Variants in LRRC36 observed in about 807,000 individuals in gnomAD.
LRRC36 encodes the protein leucine rich repeat containing 36.
In LRRC36, 62 loss-of-function variants were observed where a neutral mutation model predicts 81.1. That is an observed-to-expected ratio of 0.76 (90% CI 0.62 to 0.94). The LOEUF (loss-of-function observed/expected upper bound fraction) is 0.94, where lower values mean the gene tolerates loss of function less well. Ranked by LOEUF, LRRC36 falls within the 40% of genes least tolerant of loss-of-function variation. The pLI is 0.00. For missense variants in LRRC36, 761 were observed against 881.7 expected, an observed-to-expected ratio of 0.86 and a Z score of 1.73; for synonymous variants, 334 against 348.6, an observed-to-expected ratio of 0.96 and a Z score of 0.47.
chr16:67,355,363 C>CTTTT (rs1156742689), intron 5 of LRRC36, among the ~76,000 whole-genome samples: 43 of 77,712 alleles, frequency 5.5e-4, no homozygotes, highest in East Asian at 1.5e-3. Flanking sequence ...TTTAAGATGT[C>CTTTT]TTTTTTTTTT....
chr16:67,378,571 T>G lies in LRRC36; in HGVS notation c.1807-18T>G. ...GTCAGATTCTTAATGTATTTGTATT[T>G]TGTTTTCTAATCTAAAGGAAAGTTT... On this transcript the variant is annotated intron_variant, in intron 11 of 13. Coordinates refer to ENST00000329956, the MANE Select transcript of LRRC36 (RefSeq NM_018296.6). 6.2e-7 allele frequency: 1 copy of G among 1,612,600 alleles called. No individual in the cohort carries two copies. Among genetic ancestry groups the G allele is most frequent in the African/African-American group, 1.3e-5 (1 of 74,984 alleles).
intron 7 of LRRC36, among the ~76,000 whole-genome samples, chr16:67,366,184 A>G (rs2039376371): frequency 6.6e-6 from 1 of 151,680 alleles, no homozygotes; most frequent in Non-Finnish European, 1.5e-5. Flanking sequence ...ACAAGTTCTC[A>G]ATCTGTTGCC....
chr16:67,362,440 T>C (rs1245320293), intron 5 of LRRC36: 3 of 234,790 alleles, frequency 1.3e-5, no homozygotes, highest in Admixed American at 1.0e-4. Flanking sequence ...GGACTACAAA[T>C]GTGAGTCACC....
intron 12 of LRRC36, among the ~76,000 whole-genome samples, chr16:67,381,906 C>T (rs1263989829): frequency 1.3e-5 from 2 of 152,138 alleles, no homozygotes; most frequent in Non-Finnish European, 2.9e-5. Context: ...CGTGAGCCAC[C>T]GTGCCTGGCC....
chr16:67,357,481 G>C (rs1597465541), intron 5 of LRRC36, among the ~76,000 whole-genome samples: 1 of 152,288 alleles, frequency 6.6e-6, no homozygotes. Context: ...GTGGAATCTG[G>C]GGTACAATAT....
intron 1 of LRRC36, among the ~76,000 whole-genome samples, chr16:67,335,263 C>T (rs1249100727): frequency 6.6e-6 from 1 of 152,182 alleles, no homozygotes; most frequent in Non-Finnish European, 1.5e-5. Flanking sequence ...TTTTAGAGGC[C>T]TCCCTTCAGG....
Position 67,382,151 on chromosome 16 carries a change from A to C in LRRC36, c.1949A>C (p.Asn650Thr). ...TTTGTAGATGATCTTCTGCACAAAA[A>C]CCAACAGCTGACCATGCAGGTGGCT... is the stretch of plus-strand genomic sequence containing the variant. ...SHTYDDLLHK[N>T]QQLTMQVACL... is the part of the protein sequence containing the mutation. Residue 650 changes from asparagine to threonine, a missense_variant, in exon 13 of 14, where the codon AAC (asparagine) becomes ACC (threonine). Physicochemically the swap from Asn to Thr is moderately conservative, Grantham distance 65. Around this residue, in one of 3 missense-constraint regions of LRRC36, gnomAD observed 359 missense variants for 388.4 expected, o/e 0.92. Transcript: ENST00000329956. 1 of 1,613,918 alleles carries C rather than the reference A, an allele frequency of 6.2e-7. No homozygotes were observed. The highest frequency in any genetic ancestry group is 8.5e-7 in the Non-Finnish European group (1 of 1,179,896).
chr16:67,356,502 A>C (rs2038909254), intron 5 of LRRC36, among the ~76,000 whole-genome samples: 1 of 152,230 alleles, frequency 6.6e-6, no homozygotes, highest in Non-Finnish European at 1.5e-5. Context: ...GGCAGTTAGC[A>C]ATCTCAGTCA....
chr16:67,362,229 C>T, intron 5 of LRRC36: 1 of 451,480 alleles, frequency 2.2e-6, no homozygotes, highest in South Asian at 1.6e-5. Context: ...GTGGCGCGAT[C>T]TCGGCTCACT....
chr16:67,375,968 T>C (rs150940610), intron 10 of LRRC36, among the ~76,000 whole-genome samples: 2,347 of 152,342 alleles, frequency 0.015, 70 homozygotes, highest in African/African-American at 0.053. Context: ...GGCTATTTAA[T>C]AGAAGAATAA....
At chr16:67,378,825 T>G in intron 12 of LRRC36, 113 bp downstream of exon 12, 1 of 1,177,376 alleles carries the variant, frequency 8.5e-7, no homozygotes. Context: ...TTTGGCCTAC[T>G]TGGTCATCAG....
At chr16:67,341,922 G>A in intron 1 of LRRC36, 35 bp from the exon 2 acceptor site, 2 of 1,576,032 alleles carry the variant, frequency 1.3e-6, no homozygotes, top group South Asian at 1.2e-5. Context: ...ATCCGAGCAG[G>A]GATCATAATA....
In LRRC36 at chr16:67,350,615, A is replaced by G. The variant is rs188176497; in HGVS notation, c.577+325A>G. 1.4e-4 allele frequency among the ~76,000 whole-genome samples: 21 copies of G among 152,352 alleles called. No homozygotes were observed. The East Asian group carries it at 4.0e-3, about 29-fold the overall frequency. Reference sequence around the variant, plus strand: ...CGACTCATCTGCATACATCCAGCTCACACCCTGGGCTTCCTGGGCTGCCCA... The same window carrying G: ...CGACTCATCTGCATACATCCAGCTCGCACCCTGGGCTTCCTGGGCTGCCCA... On this transcript the variant is annotated intron_variant, in intron 5 of 13. Coordinates refer to ENST00000329956, the MANE Select transcript of LRRC36 (RefSeq NM_018296.6).
intron 5 of LRRC36, among the ~76,000 whole-genome samples, chr16:67,360,592 G>T (rs2039099268): frequency 6.6e-6 from 1 of 152,174 alleles, no homozygotes; most frequent in Non-Finnish European, 1.5e-5. Flanking sequence ...AGGACAAAAA[G>T]GTTGATAGCT....
intron 5 of LRRC36, among the ~76,000 whole-genome samples, chr16:67,357,839 G>A (rs897204626): frequency 1.3e-5 from 2 of 152,188 alleles, no homozygotes; most frequent in African/African-American, 4.8e-5. Flanking sequence ...TCATCCAGCT[G>A]GGATTACTGG....
At chr16:67,342,117 G>T in intron 2 of LRRC36, 33 bp downstream of exon 2, 1 of 1,464,320 alleles carries the variant, frequency 6.8e-7, no homozygotes, top group Non-Finnish European at 9.1e-7. Context: ...AGCCAGGTCT[G>T]CCCAATTTAT....
chr16:67,342,770 CTGTCTTG>C (rs2038155896), intron 2 of LRRC36, among the ~76,000 whole-genome samples: 2 of 152,192 alleles, frequency 1.3e-5, no homozygotes, highest in South Asian at 4.1e-4. Flanking sequence ...AGCTCTGCAC[CTGTCTTG>C]GCAAAGCCCT....
intron 8 of LRRC36, among the ~76,000 whole-genome samples, chr16:67,369,016 C>T (rs989202135): frequency 1.1e-4 from 17 of 152,168 alleles, no homozygotes; most frequent in African/African-American, 4.1e-4. Context: ...GGGTTTTGGA[C>T]ATCTTAAGTT....
At chr16:67,336,570 T>C (rs1158989678) in intron 1 of LRRC36, 1 of 152,182 alleles carries the variant, frequency 6.6e-6, no homozygotes, top group Non-Finnish European at 1.5e-5. Flanking sequence ...CGATTTATGA[T>C]GTTGACCATT....
Sources: allele counts gnomAD v4.1 joint callset (sites outside exome capture counted in the v4.1 genomes callset), GRCh38; gene constraint gnomAD v4.1.1; regional missense constraint gnomAD v4.1.1; transcripts MANE v1.5; gene names NCBI Gene and HGNC (gene_info 2026-07-23, HGNC 2026-07-21).